The following SLC44A2 variants were observed in gnomAD, a reference collection of about 807,000 sequenced individuals.
SLC44A2 encodes the protein choline transporter-like protein 2.
Under a neutral mutation model 90.8 loss-of-function variants are expected in SLC44A2, and 57 were observed. That is an observed-to-expected ratio of 0.63 (90% CI 0.51 to 0.78). SLC44A2 has a LOEUF of 0.78. Ranked by LOEUF, SLC44A2 falls within the 30% of genes least tolerant of loss-of-function variation. The pLI is 0.00. For synonymous variants in SLC44A2, 355 were observed against 360.7 expected, an observed-to-expected ratio of 0.98 and a Z score of 0.18; for missense variants, 794 against 919.7, an observed-to-expected ratio of 0.86 and a Z score of 1.77.
chr19:10,634,312 A>G (rs1002719380), intron 10 of SLC44A2, among the ~76,000 whole-genome samples: 1 of 151,266 alleles, frequency 6.6e-6, no homozygotes, highest in African/African-American at 2.4e-5. Flanking sequence ...TAAAAATACA[A>G]AATTAGCCGG....
chr19:10,634,945 C>T, intron 11 of SLC44A2, 29 bp from the exon 12 acceptor site: 3 of 1,614,108 alleles, frequency 1.9e-6, no homozygotes, highest in South Asian at 2.2e-5. Flanking sequence ...AGTGGGGAGC[C>T]CAGCCGGCTC....
rs981623971 is a variant in SLC44A2 at position 10,602,729 on chromosome 19, C to T, written c.31+168C>T. 7.2e-5 allele frequency among the ~76,000 whole-genome samples: 11 copies of T among 152,312 alleles called. No homozygotes were observed. In the South Asian group the frequency reaches 1.4e-3, roughly 20 times the overall value. On this transcript the variant is annotated intron_variant, in intron 1 of 21. Transcript: ENST00000407327. Reference sequence around the variant, plus strand: ...CGGATCCCACGCCCCCTGCTCTAACCGGGTCGCCCCGCGTCCCCTCCCCGG... The same window carrying T: ...CGGATCCCACGCCCCCTGCTCTAACTGGGTCGCCCCGCGTCCCCTCCCCGG...
chr19:10,605,975 T>C (rs1386953413), intron 1 of SLC44A2, among the ~76,000 whole-genome samples: 8 of 149,994 alleles, frequency 5.3e-5, no homozygotes, highest in South Asian at 2.1e-4. Context: ...ACCTGGGCTA[T>C]GGAGCGAGAC....
intron 21 of SLC44A2, 100 bp downstream of exon 21, chr19:10,642,551 C>T (rs1478421110): frequency 1.8e-6 from 2 of 1,116,432 alleles, no homozygotes; most frequent in East Asian, 2.4e-5. Context: ...TGCCTGCCCC[C>T]AGCTTCCCCA....
rs1253026360 is a variant in SLC44A2 at position 10,637,883 on chromosome 19, A to G, written c.1723A>G (p.Thr575Ala). 1 of 1,613,854 alleles carries G rather than the reference A, an allele frequency of 6.2e-7. No individual in the cohort carries two copies. The highest frequency in any genetic ancestry group is 8.5e-7 in the Non-Finnish European group (1 of 1,179,994). ...MIAIYGTNFC[T>A]SARNAFFLLM... Reference sequence around the variant, plus strand: ...TGCCATCTACGGCACCAATTTCTGCACCTCGGCCAGGAATGCCTTCTTCCT... The same window carrying G: ...TGCCATCTACGGCACCAATTTCTGCGCCTCGGCCAGGAATGCCTTCTTCCT... Residue 575 changes from threonine to alanine, a missense_variant, in exon 18 of 22, where the codon ACC becomes GCC. By Grantham distance (58) the Thr-to-Ala change is moderately conservative. Coordinates refer to ENST00000335757, the MANE Select transcript of SLC44A2 (RefSeq NM_020428.4).
At chr19:10,636,259 C>G in intron 14 of SLC44A2, 64 bp from the exon 15 acceptor site, 1 of 1,552,332 alleles carries the variant, frequency 6.4e-7, no homozygotes, top group Non-Finnish European at 8.7e-7. Context: ...ACACCTGATG[C>G]TCAGAGCCCA....
chr19:10,625,469 G>C (rs1227535723), upstream of SLC44A2: 3 of 1,217,624 alleles, frequency 2.5e-6, no homozygotes, highest in Non-Finnish European at 3.1e-6. Flanking sequence ...AGTCTGGGCA[G>C]CTGCCCAGCT....
chr19:10,639,011 C>T (rs930460025), intron 20 of SLC44A2, among the ~76,000 whole-genome samples: 1 of 152,086 alleles, frequency 6.6e-6, no homozygotes, highest in Admixed American at 6.6e-5. Flanking sequence ...GTTGGTCAGG[C>T]TGGTCTCGAA....
chr19:10,611,111 G>A (rs1367827991), intron 1 of SLC44A2, among the ~76,000 whole-genome samples: 1 of 152,062 alleles, frequency 6.6e-6, no homozygotes. Flanking sequence ...CTAAGTAGGG[G>A]ACTATAGGCA....
Position 10,631,669 on chromosome 19 carries a change from C to G in SLC44A2, c.546C>G (p.Val182=). Residue 182 remains valine (V), a synonymous_variant, in exon 8 of 22, where the codon GTC becomes GTG. Transcript: ENST00000335757. ...CCGCTATCCACGCCTACAAGGGTGTCCTGATGGTGGGCAATGAGACGACCT... is the reference window on the plus strand; with the variant it reads ...CCGCTATCCACGCCTACAAGGGTGTGCTGATGGTGGGCAATGAGACGACCT... ...CFPAIHAYKG[V]LMVGNETTYE... The G allele has an allele frequency of 6.2e-7, 1 of 1,613,516 alleles. No homozygotes were observed. Among genetic ancestry groups the G allele is most frequent in the Non-Finnish European group, 8.5e-7 (1 of 1,180,030 alleles).
Position 10,638,274 on chromosome 19 carries a change from G to T in SLC44A2, c.1888G>T (p.Asp630Tyr). The change falls in exon 20 of 22, where the codon GAT becomes TAT. Residue 630 changes from aspartate to tyrosine, a missense_variant. Around this residue, in one of 3 missense-constraint regions of SLC44A2, gnomAD observed 738 missense variants for 841.1 expected, o/e 0.88. Transcript: ENST00000335757. ...FFTHRIRIVQ[D>Y]TAPPLNYYWV... is the part of the protein sequence containing the mutation. ...CACCCACCGTATCAGGATCGTGCAG[G>T]ATACAGCACCACCCCTCAATTATTA... The T allele has an allele frequency of 6.2e-7, 1 of 1,614,066 alleles. No individual in the cohort carries two copies.
chr19:10,624,918 C>T (rs1361142956), upstream of SLC44A2, among the ~76,000 whole-genome samples: 5 of 152,084 alleles, frequency 3.3e-5, no homozygotes, highest in African/African-American at 1.2e-4. Flanking sequence ...GAGGAGCCCA[C>T]GAGTCCAGGA....
At chr19:10,607,057 G>T (rs892544827) in intron 1 of SLC44A2, among the ~76,000 whole-genome samples, 3 of 151,018 alleles carry the variant, frequency 2.0e-5, no homozygotes, top group South Asian at 4.2e-4. Flanking sequence ...GACTACAGGC[G>T]CCCGCCACCA....
At chr19:10,607,435 C>T (rs1445610766) in intron 1 of SLC44A2, among the ~76,000 whole-genome samples, 1 of 151,732 alleles carries the variant, frequency 6.6e-6, no homozygotes, top group Non-Finnish European at 1.5e-5. Context: ...ACCGCAGCCT[C>T]AAATTCCTGG....
intron 1 of SLC44A2, among the ~76,000 whole-genome samples, chr19:10,619,638 T>C (rs941649131): frequency 6.6e-6 from 1 of 151,914 alleles, no homozygotes; most frequent in South Asian, 2.1e-4. Flanking sequence ...ACGCCTGGCC[T>C]GAGATTCATT....
intron 1 of SLC44A2, among the ~76,000 whole-genome samples, chr19:10,609,479 T>C (rs1434769335): frequency 6.6e-6 from 1 of 151,988 alleles, no homozygotes; most frequent in Non-Finnish European, 1.5e-5. Flanking sequence ...TTTGTATTTT[T>C]AGTAGAGACT....
Position 10,631,522 on chromosome 19 carries a change from C to G in SLC44A2, c.489C>G (p.Ile163Met). The G allele has an allele frequency of 6.2e-7, 1 of 1,613,864 alleles. No individual in the cohort carries two copies. The highest frequency in any genetic ancestry group is 8.5e-7 in the Non-Finnish European group (1 of 1,179,904). The change falls in exon 7 of 22, where the codon ATC (isoleucine) becomes ATG (methionine). Residue 163 changes from isoleucine to methionine, a missense_variant. By Grantham distance (10) the Ile-to-Met change is conservative. Coordinates refer to ENST00000335757, the MANE Select transcript of SLC44A2 (RefSeq NM_020428.4). ...LQDGDCPAVL[I>M]PSKPLARRCF... is the part of the protein sequence containing the mutation. ...ATGGTGACTGCCCTGCTGTCCTCAT[C>G]CCCAGCAAACCCTGTGAGTCAGGGG...
chr19:10,602,481 CG>C, upstream of SLC44A2: 1 of 1,192,370 alleles, frequency 8.4e-7, no homozygotes, highest in East Asian at 3.5e-5. Flanking sequence ...CCCGCCCGCC[CG>C]GGCTGGGGTC....
intron 16 of SLC44A2, chr19:10,636,978 A>T: frequency 2.0e-6 from 1 of 512,770 alleles, no homozygotes; most frequent in Non-Finnish European, 3.5e-6. Context: ...TTGAGGGGAC[A>T]GGCCCAAGAG....
Sources: allele counts gnomAD v4.1 joint callset (sites outside exome capture counted in the v4.1 genomes callset), GRCh38; gene constraint gnomAD v4.1.1; regional missense constraint gnomAD v4.1.1; transcripts MANE v1.5; gene names NCBI Gene and HGNC (gene_info 2026-07-23, HGNC 2026-07-21).